The following ZFAND3 variants were observed in gnomAD, a reference collection of about 807,000 sequenced individuals.
ZFAND3 encodes AN1-type zinc finger protein 3.
ZFAND3 carries 10 observed loss-of-function variants against 29.6 expected under a neutral mutation model. The observed-to-expected ratio is 0.34, with a 90% CI of 0.21 to 0.57. The LOEUF is 0.57. ZFAND3 is among the 20% of genes least tolerant of loss of function. The pLI, the probability that ZFAND3 is intolerant of heterozygous loss-of-function variation, is 0.86. For missense variants in ZFAND3, 230 were observed against 304.5 expected (o/e 0.76, Z 1.82); for synonymous variants, 128 against 112.6 (o/e 1.14, Z -0.87).
chr6:37,854,225 A>G (rs1764335517), intron 1 of ZFAND3, among the ~76,000 whole-genome samples: 1 of 152,218 alleles, frequency 6.6e-6, no homozygotes, highest in South Asian at 2.1e-4. Flanking sequence ...TGCTGGGATT[A>G]CAAGCGTGAT....
intron 5 of ZFAND3, among the ~76,000 whole-genome samples, chr6:38,134,875 T>C (rs1402712534): frequency 1.3e-5 from 2 of 152,202 alleles, no homozygotes; most frequent in Non-Finnish European, 2.9e-5. Flanking sequence ...GTGGATACTG[T>C]AGTCAGTGTT....
intron 2 of ZFAND3, among the ~76,000 whole-genome samples, chr6:37,985,328 G>GTAT (rs1762648416): frequency 6.6e-5 from 10 of 152,110 alleles, no homozygotes; most frequent in African/African-American, 2.4e-4. Context: ...AAATAACTCA[G>GTAT]TTTAACAAAT....
At chr6:38,047,019 A>G (rs1763916740) in intron 2 of ZFAND3, among the ~76,000 whole-genome samples, 1 of 152,084 alleles carries the variant, frequency 6.6e-6, no homozygotes, top group African/African-American at 2.4e-5. Flanking sequence ...AGTAATGGCT[A>G]TATGTTTGAA....
At chr6:37,866,992 A>G (rs1764601330) in intron 1 of ZFAND3, among the ~76,000 whole-genome samples, 1 of 152,238 alleles carries the variant, frequency 6.6e-6, no homozygotes, top group South Asian at 2.1e-4. Flanking sequence ...TGAATTGTTT[A>G]ATGTCTTGTC....
chr6:37,938,759 AGATGAT>A (rs541321408), intron 2 of ZFAND3, among the ~76,000 whole-genome samples: 5 of 152,120 alleles, frequency 3.3e-5, no homozygotes, highest in African/African-American at 1.2e-4. Flanking sequence ...AGTGTGTTAA[AGATGAT>A]GATGATGATG....
In ZFAND3 at chr6:38,150,044, C is replaced by T. The variant is rs191505512; in HGVS notation, c.530-2191C>T. ...TAAGCCCTGACTGGCAGCAGGTTCT[C>T]CCTCACCAGGTAGGCTTTGCTACAA... is the stretch of plus-strand genomic sequence containing the variant. On this transcript the variant is annotated intron_variant, in intron 5 of 5. Coordinates refer to ENST00000287218, the MANE Select transcript of ZFAND3 (RefSeq NM_021943.3). 5.0e-3 allele frequency among the ~76,000 whole-genome samples: 762 copies of T among 152,282 alleles called. 8 individuals carry two copies. The highest frequency in any genetic ancestry group is 0.015 in the African/African-American group (629 of 41,542).
At chr6:38,080,055 CA>C (rs59385588) in intron 3 of ZFAND3, among the ~76,000 whole-genome samples, 199 of 129,982 alleles carry the variant, frequency 1.5e-3, no homozygotes, top group South Asian at 4.7e-3. Context: ...AAAGTTCCTC[CA>C]AAAAAAAAAA....
intron 2 of ZFAND3, among the ~76,000 whole-genome samples, chr6:38,048,674 C>T (rs544727263): frequency 6.7e-6 from 1 of 149,012 alleles, no homozygotes; most frequent in East Asian, 2.0e-4. Flanking sequence ...CATTATCTGC[C>T]ATCCTCACAA....
chr6:38,030,773 AC>A, intron 2 of ZFAND3, among the ~76,000 whole-genome samples: 1 of 152,088 alleles, frequency 6.6e-6, no homozygotes, highest in Non-Finnish European at 1.5e-5. Flanking sequence ...TGAAAGAAGT[AC>A]AAAAAAAAAG....
intron 2 of ZFAND3, among the ~76,000 whole-genome samples, chr6:38,042,514 A>G (rs566077781): frequency 7.2e-5 from 11 of 151,936 alleles, no homozygotes; most frequent in African/African-American, 2.7e-4. Flanking sequence ...GGGTTTTGCC[A>G]TGTTGGCCAG....
Position 38,113,298 on chromosome 6 carries a change from A to C in ZFAND3, c.362-3274A>C, listed in dbSNP as rs866153749. ...CGGATGCTGGGACATTGATTGTCAG[A>C]GGATCGAGTAGGGCTTAATGGTGTT... On this transcript the variant is annotated intron_variant, in intron 4 of 5. Transcript: ENST00000287218. 4.8e-4 allele frequency among the ~76,000 whole-genome samples: 73 copies of C among 152,310 alleles called. No individual in the cohort carries two copies. The Middle Eastern group carries it at 0.01, about 21-fold the overall frequency.
chr6:38,138,415 CA>C lies in ZFAND3; in HGVS notation c.530-13818del, dbSNP rs1360565411. On this transcript the variant is annotated intron_variant, in intron 5 of 5. Coordinates refer to ENST00000287218, the MANE Select transcript of ZFAND3 (RefSeq NM_021943.3). Reference sequence around the variant, plus strand: ...AATACAAAACAAGTACATCTCAGGTCAATTTTTTTTTTTTAAATCCAGAAGT... The same window carrying C: ...AATACAAAACAAGTACATCTCAGGTCATTTTTTTTTTTTAAATCCAGAAGT... Among the ~76,000 whole-genome samples the C allele has an allele frequency of 2.2e-5, 3 of 135,380 alleles. No homozygotes were observed. In the East Asian group the frequency reaches 6.8e-4, roughly 31 times the overall value. The allele number at this position is 135,380 out of a possible 152,430, so 88.8% of individuals were successfully genotyped here. A position where few individuals can be genotyped will look rare whatever the true frequency, so the allele number is the denominator to read the frequency against.
intron 2 of ZFAND3, among the ~76,000 whole-genome samples, chr6:37,942,620 A>G (rs753688084): frequency 2.6e-5 from 4 of 152,184 alleles, no homozygotes; most frequent in East Asian, 3.8e-4. Flanking sequence ...GTAAGCTTCT[A>G]CAATCTTGTG....
intron 5 of ZFAND3, among the ~76,000 whole-genome samples, chr6:38,121,726 G>A (rs1044900326): frequency 5.9e-5 from 9 of 152,112 alleles, no homozygotes; most frequent in Non-Finnish European, 2.9e-5. Context: ...CCTTCTCAGG[G>A]TTTTATGGGA....
intron 1 of ZFAND3, among the ~76,000 whole-genome samples, chr6:37,885,792 T>C (rs1764979244): frequency 6.6e-6 from 1 of 152,058 alleles, no homozygotes; most frequent in Admixed American, 6.5e-5. Flanking sequence ...ATTTGTTTGC[T>C]TGGGGAGAGG....
At chr6:37,833,959 A>G (rs1763914779) in intron 1 of ZFAND3, among the ~76,000 whole-genome samples, 2 of 152,072 alleles carry the variant, frequency 1.3e-5, no homozygotes, top group Admixed American at 6.6e-5. Flanking sequence ...CCTACTATCG[A>G]CATCTCACAT....
chr6:37,824,406 A>T (rs1763722408), intron 1 of ZFAND3, among the ~76,000 whole-genome samples: 1 of 152,266 alleles, frequency 6.6e-6, no homozygotes, highest in African/African-American at 2.4e-5. Context: ...AGAATATTAC[A>T]GAAAAGATAG....
At chr6:38,108,085 A>T (rs1023362303) in intron 4 of ZFAND3, among the ~76,000 whole-genome samples, 1 of 152,180 alleles carries the variant, frequency 6.6e-6, no homozygotes, top group Non-Finnish European at 1.5e-5. Flanking sequence ...ATTTCACTAT[A>T]GACTGAATAT....
intron 5 of ZFAND3, among the ~76,000 whole-genome samples, chr6:38,151,512 G>T (rs891688230): frequency 3.3e-5 from 5 of 151,390 alleles, no homozygotes; most frequent in Non-Finnish European, 7.4e-5. Context: ...GGGGGTCCGA[G>T]TGTGGGCATC....
Sources: gnomAD v4.1 joint callset for allele counts (sites outside exome capture counted in the v4.1 genomes callset) on GRCh38, gnomAD v4.1.1 for gene constraint, MANE v1.5 for transcripts, NCBI Gene and HGNC (gene_info 2026-07-23, HGNC 2026-07-21) for gene names.